ADD2: variants seen among roughly 807,000 people sequenced by gnomAD.
The protein encoded by ADD2 is adducin 2.
ADD2 carries 23 observed loss-of-function variants against 83.0 expected under a neutral mutation model. The ratio of observed to expected loss-of-function variants is 0.28; its 90% CI spans 0.20 to 0.39. The LOEUF (loss-of-function observed/expected upper bound fraction) is 0.39. ADD2 is among the 10% of genes least tolerant of loss of function. ADD2 has a pLI of 1.00. For synonymous variants in ADD2, 375 were observed against 375.4 expected (o/e 1.00, Z 0.01); for missense variants, 758 against 944.9 (o/e 0.80, Z 2.59).
intron 1 of ADD2, among the ~76,000 whole-genome samples, chr2:70,742,673 A>G (rs1673977611): frequency 6.6e-6 from 1 of 152,202 alleles, no homozygotes; most frequent in Non-Finnish European, 1.5e-5. Flanking sequence ...CAAAGAAAAC[A>G]AAGTACTGTA....
intron 5 of ADD2, 82 bp downstream of exon 5, chr2:70,696,163 A>ATGC (rs1384778226): frequency 6.6e-7 from 1 of 1,524,782 alleles, no homozygotes; most frequent in African/African-American, 1.4e-5. Context: ...TGCCATGGCC[A>ATGC]TGCCAAGGGT....
chr2:70,738,003 C>G (rs1216871145), intron 1 of ADD2, among the ~76,000 whole-genome samples: 1 of 152,134 alleles, frequency 6.6e-6, no homozygotes, highest in Non-Finnish European at 1.5e-5. Flanking sequence ...GAGCACACAG[C>G]CAATAAGTGG....
chr2:70,758,598 A>G (rs2104552881), intron 1 of ADD2, among the ~76,000 whole-genome samples: 1 of 152,284 alleles, frequency 6.6e-6, no homozygotes, highest in African/African-American at 2.4e-5. Flanking sequence ...TGTTTTAAAA[A>G]GATCAACTAT....
At chr2:70,692,819 G>T (rs914415133) in intron 6 of ADD2, among the ~76,000 whole-genome samples, 7 of 152,212 alleles carry the variant, frequency 4.6e-5, no homozygotes, top group Admixed American at 4.6e-4. Flanking sequence ...ATCACCTGAA[G>T]CCCAGTCAAA....
In ADD2 at chr2:70,736,886, C is replaced by T. The variant is rs564157826; in HGVS notation, c.-153-23702G>A. On this transcript the variant is annotated intron_variant, in intron 1 of 15. Transcript: ENST00000264436. ...AGCATCTATTATAAAAAGGAAAAAACAAACAACCCCATCAAAAAGTGGGTG... is the reference window on the plus strand; with the variant it reads ...AGCATCTATTATAAAAAGGAAAAAATAAACAACCCCATCAAAAAGTGGGTG... 5.3e-5 allele frequency among the ~76,000 whole-genome samples: 8 copies of T among 151,340 alleles called. 1 individual carries two copies. In the South Asian group the frequency reaches 1.7e-3, roughly 32 times the overall value.
chr2:70,710,520 T>C (rs781994949), intron 2 of ADD2, among the ~76,000 whole-genome samples: 3 of 152,210 alleles, frequency 2.0e-5, no homozygotes, highest in Non-Finnish European at 4.4e-5. Flanking sequence ...GTGTAGGACA[T>C]GGAAGCCCTG....
chr2:70,758,786 C>G (rs571548831), intron 1 of ADD2, among the ~76,000 whole-genome samples: 1 of 152,016 alleles, frequency 6.6e-6, no homozygotes, highest in Non-Finnish European at 1.5e-5. Context: ...GGCAACAGAG[C>G]GAGACCTTGT....
chr2:70,695,730 C>T lies in ADD2; in HGVS notation c.546G>A (p.Ala182=), dbSNP rs150383515. The change falls in exon 6 of 16, where the codon GCG becomes GCA. Residue 182 remains alanine (A), a synonymous_variant. Coordinates refer to ENST00000264436, the MANE Select transcript of ADD2 (RefSeq NM_001617.4). ...GCTGGACTGTACTCACCAGGCTGGA[C>T]GCTGTGACTTCACTGCAAGAAACTC... is the stretch of plus-strand genomic sequence containing the variant. ...PKGVSCSEVT[A]SSLIKVNILG... 2.1e-4 allele frequency: 335 copies of T among 1,613,900 alleles called. No individual in the cohort carries two copies. The highest frequency in any genetic ancestry group is 2.6e-4 in the Non-Finnish European group (305 of 1,179,922).
Position 70,658,586 on chromosome 2 carries a change from A to G in ADD2, c.*4839T>C, listed in dbSNP as rs1675435592. 1 of 151,962 alleles carries G rather than the reference A, an allele frequency of 6.6e-6. No individual in the cohort carries two copies. 9.4% of individuals were successfully genotyped at this position (151,962 alleles called of 1,614,324 possible). ...CCCTGTCCTTTCTGTGGGAGTGGAG[A>G]GCTTAAATTTAGCCTCTCCCTCATT... On this transcript the variant is annotated 3_prime_UTR_variant, in exon 16 of 16. Coordinates refer to ENST00000264436, the MANE Select transcript of ADD2 (RefSeq NM_001617.4).
chr2:70,700,015 G>A (rs1174269570), intron 4 of ADD2, among the ~76,000 whole-genome samples: 1 of 152,186 alleles, frequency 6.6e-6, no homozygotes, highest in Non-Finnish European at 1.5e-5. Flanking sequence ...TATCAGTCAT[G>A]CTTATGCCGT....
intron 1 of ADD2, among the ~76,000 whole-genome samples, chr2:70,767,075 C>T (rs1675422724): frequency 6.6e-6 from 1 of 152,126 alleles, no homozygotes; most frequent in Admixed American, 6.5e-5. Flanking sequence ...GATCTGCATC[C>T]TAAAGCAGTC....
intron 1 of ADD2, among the ~76,000 whole-genome samples, chr2:70,759,618 G>C (rs1366821839): frequency 2.0e-5 from 3 of 152,058 alleles, no homozygotes; most frequent in African/African-American, 7.2e-5. Context: ...TTGTTAAGAA[G>C]AGCCTGGCAT....
intron 1 of ADD2, among the ~76,000 whole-genome samples, chr2:70,756,247 A>G (rs747095588): frequency 2.6e-5 from 4 of 152,104 alleles, no homozygotes; most frequent in Non-Finnish European, 5.9e-5. Flanking sequence ...TAGCATGCAG[A>G]CACAGTTCTT....
rs77903261 is a variant in ADD2 at position 70,702,701 on chromosome 2, G to GAAA, written c.322+1617_322+1619dup. ...AAACTAAAAGACAAAGGAGAAACTGGAAAAAAAAAAAGCAATATATTTGAC... is the reference window on the plus strand; with the variant it reads ...AAACTAAAAGACAAAGGAGAAACTGGAAAAAAAAAAAAAAGCAATATATTTGAC... On this transcript the variant is annotated intron_variant, in intron 4 of 15. Transcript: ENST00000264436. 7.2e-4 allele frequency among the ~76,000 whole-genome samples: 102 copies of GAAA among 141,420 alleles called. 1 individual carries two copies. Among genetic ancestry groups the GAAA allele is most frequent in the African/African-American group, 2.4e-3 (95 of 38,836 alleles). 92.8% of individuals were successfully genotyped at this position (141,420 alleles called of 152,430 possible).
intron 1 of ADD2, among the ~76,000 whole-genome samples, chr2:70,754,826 G>A (rs1196774172): frequency 6.6e-6 from 1 of 152,036 alleles, no homozygotes; most frequent in Non-Finnish European, 1.5e-5. Flanking sequence ...TCCCCTTCCA[G>A]CCCAGCTCTG....
intron 8 of ADD2, among the ~76,000 whole-genome samples, 176 bp downstream of exon 8, chr2:70,690,610 A>T (rs1670976670): frequency 6.6e-6 from 1 of 152,240 alleles, no homozygotes; most frequent in Non-Finnish European, 1.5e-5. Flanking sequence ...TTTTGCAAAT[A>T]TAAATTTCAA....
chr2:70,669,831 G>GT (rs782804987), intron 15 of ADD2, among the ~76,000 whole-genome samples: 1 of 152,184 alleles, frequency 6.6e-6, no homozygotes, highest in Admixed American at 6.5e-5. Context: ...GGCCGCATGG[G>GT]TGGGCCCTGA....
intron 1 of ADD2, among the ~76,000 whole-genome samples, chr2:70,726,060 G>T (rs991285825): frequency 6.6e-6 from 1 of 151,472 alleles, no homozygotes; most frequent in African/African-American, 2.4e-5. Flanking sequence ...AGTGGCAGGC[G>T]CCTGTAGTCC....
chr2:70,675,753 A>C, intron 13 of ADD2: 5 of 985,446 alleles, frequency 5.1e-6, no homozygotes, highest in Non-Finnish European at 6.0e-6. Context: ...AGTAGGCCTA[A>C]TGTAGGGAAT....
Sources: gnomAD v4.1 joint callset for allele counts (sites outside exome capture counted in the v4.1 genomes callset) on GRCh38, gnomAD v4.1.1 for gene constraint, MANE v1.5 for transcripts, NCBI Gene and HGNC (gene_info 2026-07-23, HGNC 2026-07-21) for gene names.